PARVB: variants seen among roughly 807,000 people sequenced by gnomAD.
PARVB encodes beta-parvin.
PARVB carries 46 observed loss-of-function variants against 47.0 expected under a neutral mutation model. The ratio of observed to expected loss-of-function variants is 0.98; its 90% confidence interval spans 0.77 to 1.25. The LOEUF is 1.25. Ranked by LOEUF, PARVB falls within the 50% of genes most tolerant of loss-of-function variation. PARVB has a pLI of 0.00. For synonymous variants in PARVB, 196 were observed against 196.3 expected, an observed-to-expected ratio of 1.00 and a Z score of 0.01; for missense variants, 473 against 471.6, an observed-to-expected ratio of 1.00 and a Z score of -0.03.
intron 1 of PARVB, among the ~76,000 whole-genome samples, chr22:44,055,656 A>ATCTCTCTC (rs3083345): frequency 2.0e-5 from 3 of 148,380 alleles, no homozygotes; most frequent in African/African-American, 7.5e-5. Flanking sequence ...GTCTCTATCC[A>ATCTCTCTC]TCTCTCTCTC....
chr22:44,131,435 C>T, intron 4 of PARVB, 52 bp from the exon 5 acceptor site: 1 of 1,596,698 alleles, frequency 6.3e-7, no homozygotes, highest in Non-Finnish European at 8.5e-7. Context: ...AGCCACTGCG[C>T]CTGGCCCTTC....
At chr22:44,163,951 T>TC (rs781449188) in intron 12 of PARVB, 21 bp downstream of exon 12, 3 of 1,597,378 alleles carry the variant, frequency 1.9e-6, no homozygotes, top group East Asian at 4.5e-5. Flanking sequence ...TGGCTCAGGT[T>TC]CCCCCGGGAG....
At chr22:44,121,731 T>A (rs947094859) in intron 4 of PARVB, among the ~76,000 whole-genome samples, 1 of 152,178 alleles carries the variant, frequency 6.6e-6, no homozygotes, top group Non-Finnish European at 1.5e-5. Context: ...AGCAAATATA[T>A]AGTTTTTTAA....
chr22:44,007,609 T>C (rs1247698751), intron 2 of PARVB, among the ~76,000 whole-genome samples: 2 of 152,160 alleles, frequency 1.3e-5, no homozygotes, highest in African/African-American at 4.8e-5. Flanking sequence ...AGGCAAGACT[T>C]TGAATTACCT....
intron 4 of PARVB, among the ~76,000 whole-genome samples, chr22:44,128,540 G>T (rs12158948): frequency 0.02 from 2,983 of 152,326 alleles, 108 homozygotes; most frequent in African/African-American, 0.068. Flanking sequence ...CAGCACACAG[G>T]CATGGCCAGT....
At chr22:44,102,564 G>A (rs111996332) in intron 3 of PARVB, among the ~76,000 whole-genome samples, 7,084 of 152,170 alleles carry the variant, frequency 0.047, 491 homozygotes, top group African/African-American at 0.15. Flanking sequence ...GGGGCTGGGC[G>A]CCATGGCTCA....
chr22:44,036,940 G>A (rs1198752699), intron 1 of PARVB, among the ~76,000 whole-genome samples: 5 of 151,378 alleles, frequency 3.3e-5, no homozygotes, highest in Non-Finnish European at 7.4e-5. Context: ...AACCATGATT[G>A]CGCCACTGCA....
intron 2 of PARVB, among the ~76,000 whole-genome samples, chr22:44,000,107 C>T (rs2050399580): frequency 6.6e-6 from 1 of 152,202 alleles, no homozygotes; most frequent in Admixed American, 6.5e-5. Flanking sequence ...CTGCTTTCCT[C>T]AGGTTTTTCT....
chr22:44,058,549 ATT>A (rs35947294), intron 1 of PARVB, among the ~76,000 whole-genome samples: 142 of 96,028 alleles, frequency 1.5e-3, no homozygotes, highest in South Asian at 4.0e-3. Flanking sequence ...GTGGACGTGG[ATT>A]TTTTTTTTTT....
At chr22:44,084,498 A>G (rs1412967631) in intron 1 of PARVB, among the ~76,000 whole-genome samples, 1 of 152,230 alleles carries the variant, frequency 6.6e-6, no homozygotes, top group East Asian at 1.9e-4. Context: ...CATCCTGGTG[A>G]GAAAGCCCCA....
intron 1 of PARVB, among the ~76,000 whole-genome samples, chr22:44,031,874 G>A (rs769112931): frequency 2.3e-4 from 35 of 152,194 alleles, no homozygotes; most frequent in Admixed American, 1.8e-3. Flanking sequence ...TACCTTTACC[G>A]AGCTGTTTTC....
At chr22:44,117,449 G>C (rs1287868085) in intron 3 of PARVB, among the ~76,000 whole-genome samples, 1 of 152,102 alleles carries the variant, frequency 6.6e-6, no homozygotes, top group East Asian at 1.9e-4. Flanking sequence ...GGGACTCCCA[G>C]GCCAGTGCTC....
At chr22:44,013,028 C>A (rs888088801) in intron 2 of PARVB, among the ~76,000 whole-genome samples, 2 of 152,040 alleles carry the variant, frequency 1.3e-5, no homozygotes, top group African/African-American at 4.8e-5. Flanking sequence ...TCCCAAGTAG[C>A]TAAGACTACA....
At chr22:44,005,467 T>G (rs2050455636) in intron 2 of PARVB, among the ~76,000 whole-genome samples, 1 of 149,750 alleles carries the variant, frequency 6.7e-6, no homozygotes, top group Admixed American at 6.7e-5. Flanking sequence ...TCCTGTTACA[T>G]GCTTTTCTCT....
chr22:44,169,080 G>A lies in PARVB; in HGVS notation c.*402G>A. On this transcript the variant is annotated 3_prime_UTR_variant, in exon 13 of 13. Transcript: ENST00000338758. Reference sequence around the variant, plus strand: ...CCTCATGGTGCAGTTAGCGATCACAGGCCTTCAGAAGTACAACATCAGCTC... The same window carrying A: ...CCTCATGGTGCAGTTAGCGATCACAAGCCTTCAGAAGTACAACATCAGCTC... The A allele has an allele frequency of 6.1e-6, 1 of 164,262 alleles. No individual in the cohort carries two copies. The allele number at this position is 164,262 out of a possible 1,614,324, so 10.2% of individuals were successfully genotyped here. A position where few individuals can be genotyped will look rare whatever the true frequency, so the allele number is the denominator to read the frequency against.
chr22:44,119,965 T>A, intron 4 of PARVB: 3 of 441,338 alleles, frequency 6.8e-6, no homozygotes, highest in Non-Finnish European at 1.4e-5. Context: ...AGAGGAATTC[T>A]TGGACTTGTA....
At chr22:44,000,263 G>A (rs2050401009) in intron 2 of PARVB, among the ~76,000 whole-genome samples, 1 of 152,222 alleles carries the variant, frequency 6.6e-6, no homozygotes, top group Admixed American at 6.5e-5. Flanking sequence ...GCCTGTCTGA[G>A]GACATTATGT....
At chr22:44,024,494 G>A (rs1369867292) in intron 1 of PARVB, 43 bp downstream of exon 1, 13 of 1,046,074 alleles carry the variant, frequency 1.2e-5, no homozygotes, top group Middle Eastern at 4.2e-4. Flanking sequence ...GGACCTGCCC[G>A]GCGGTGCCCG....
chr22:44,065,257 G>T (rs2051496864), intron 1 of PARVB, among the ~76,000 whole-genome samples: 1 of 152,112 alleles, frequency 6.6e-6, no homozygotes, highest in Non-Finnish European at 1.5e-5. Context: ...CAGCTTCTGG[G>T]TGGGGGTTCT....
Sources: allele counts gnomAD v4.1 joint callset (sites outside exome capture counted in the v4.1 genomes callset), GRCh38; gene constraint gnomAD v4.1.1; transcripts MANE v1.5; gene names NCBI Gene and HGNC (gene_info 2026-07-23, HGNC 2026-07-21).